The following AHCYL2 variants were observed in gnomAD, a reference collection of about 807,000 sequenced individuals.
The protein encoded by AHCYL2 is adenosylhomocysteinase like 2.
In AHCYL2, 28 loss-of-function variants were observed where a neutral mutation model predicts 81.4. The ratio of observed to expected loss-of-function variants is 0.34; its 90% CI spans 0.25 to 0.47. The LOEUF is 0.47. AHCYL2 is among the 20% of genes least tolerant of loss of function. The pLI is 1.00. For missense variants in AHCYL2, 551 were observed against 785.1 expected (o/e 0.70, Z 3.56); for synonymous variants, 272 against 290.2 (o/e 0.94, Z 0.64).
chr7:129,406,069 C>T lies in AHCYL2; in HGVS notation c.1206+170C>T, dbSNP rs536690264. Reference sequence around the variant, plus strand: ...GACTTTCTTTTTCCCTTTGCGTTGCCGCCATTTTCCCTTAAGTTGATTTTC... The same window carrying T: ...GACTTTCTTTTTCCCTTTGCGTTGCTGCCATTTTCCCTTAAGTTGATTTTC... On this transcript the variant is annotated intron_variant, in intron 9 of 16. Transcript: ENST00000325006. This position sits in a 1 kb window ranked among gnomAD's most constrained non-coding sequence, Gnocchi z 4.3. Among the ~76,000 whole-genome samples, 137 of 152,260 alleles carry T rather than the reference C, an allele frequency of 9.0e-4. No individual in the cohort carries two copies. Among genetic ancestry groups the T allele is most frequent in the Non-Finnish European group, 1.7e-3 (116 of 68,020 alleles).
chr7:129,380,621 A>T (rs1443797062), intron 2 of AHCYL2, among the ~76,000 whole-genome samples: 2 of 152,188 alleles, frequency 1.3e-5, no homozygotes. Flanking sequence ...TTATTTATAT[A>T]CTTTTTACAT....
Position 129,368,466 on chromosome 7 carries a change from T to G in AHCYL2, c.364-11172T>G. 6.2e-7 allele frequency: 1 copy of G among 1,613,914 alleles called. No homozygotes were observed. Among genetic ancestry groups the G allele is most frequent in the Non-Finnish European group, 8.5e-7 (1 of 1,179,850 alleles). ...TTCCAAACCAGCTTTCCCTTTTGCT[T>G]CAGGACATATCTTACCCAAGCCTGC... On this transcript the variant is annotated intron_variant, in intron 1 of 16. Coordinates refer to ENST00000325006, the MANE Select transcript of AHCYL2 (RefSeq NM_015328.4). The surrounding 1 kb of genome is among the most constrained non-coding windows in gnomAD (Gnocchi z 4.4).
chr7:129,258,849 C>T (rs865809570), intron 1 of AHCYL2, among the ~76,000 whole-genome samples: 5 of 152,092 alleles, frequency 3.3e-5, no homozygotes, highest in Admixed American at 2.0e-4. Context: ...TTAAAGTAAC[C>T]GTGGCAACCA....
intron 1 of AHCYL2, among the ~76,000 whole-genome samples, chr7:129,314,649 C>G (rs1038729535): frequency 1.3e-5 from 2 of 152,186 alleles, no homozygotes; most frequent in Admixed American, 6.5e-5. Context: ...GTCCTCATGA[C>G]CTAATCATTT....
chr7:129,412,457 T>C (rs1011977778), intron 11 of AHCYL2, among the ~76,000 whole-genome samples: 1 of 151,700 alleles, frequency 6.6e-6, no homozygotes, highest in Admixed American at 6.6e-5. Flanking sequence ...ATTTTTTGTA[T>C]TTTAGTAGAG....
chr7:129,381,168 T>C (rs1794937042), intron 2 of AHCYL2, among the ~76,000 whole-genome samples: 1 of 152,116 alleles, frequency 6.6e-6, no homozygotes. Flanking sequence ...AAGCTGTGGG[T>C]TTGTGCATGT....
At chr7:129,324,014 G>A (rs1798129228) in intron 1 of AHCYL2, among the ~76,000 whole-genome samples, 1 of 151,696 alleles carries the variant, frequency 6.6e-6, no homozygotes, top group Admixed American at 6.6e-5. Context: ...GGGATTACAG[G>A]CACCCGCCAT....
At chr7:129,375,792 G>A (rs548068930) in intron 1 of AHCYL2, 67 of 1,527,236 alleles carry the variant, frequency 4.4e-5, no homozygotes, top group Admixed American at 1.2e-4. Context: ...CAACAGAATT[G>A]CTGATGAGGA....
chr7:129,294,073 AAG>A (rs1289635929), intron 1 of AHCYL2, among the ~76,000 whole-genome samples: 4 of 152,350 alleles, frequency 2.6e-5, no homozygotes, highest in Non-Finnish European at 5.9e-5. Context: ...TTTGTAGAAA[AAG>A]AAACATTCTT....
At chr7:129,390,861 T>TGA (rs1795437409) in intron 4 of AHCYL2, among the ~76,000 whole-genome samples, 1 of 152,196 alleles carries the variant, frequency 6.6e-6, no homozygotes, top group Non-Finnish European at 1.5e-5. Flanking sequence ...GATTCCTACC[T>TGA]TACTCTCATC....
chr7:129,272,034 A>G (rs1796038959), intron 1 of AHCYL2, among the ~76,000 whole-genome samples: 1 of 152,188 alleles, frequency 6.6e-6, no homozygotes, highest in Admixed American at 6.5e-5. Flanking sequence ...GGGACTTTCA[A>G]GGCCAGGTCA....
chr7:129,302,038 G>A (rs1797274867), intron 1 of AHCYL2, among the ~76,000 whole-genome samples: 1 of 151,466 alleles, frequency 6.6e-6, no homozygotes, highest in Non-Finnish European at 1.5e-5. Context: ...TGGTGCAGGG[G>A]GTATTCTTTT....
chr7:129,411,423 A>G (rs746498837), intron 11 of AHCYL2, among the ~76,000 whole-genome samples: 184 of 152,058 alleles, frequency 1.2e-3, no homozygotes, highest in Non-Finnish European at 2.3e-3. Flanking sequence ...TCATAGCAAC[A>G]CCTGTGAAAA....
intron 1 of AHCYL2, among the ~76,000 whole-genome samples, chr7:129,308,001 C>G (rs186952937): frequency 6.6e-6 from 1 of 151,746 alleles, no homozygotes; most frequent in East Asian, 2.0e-4. Context: ...TCTCCTCAAG[C>G]AGAAGAAAGG....
chr7:129,368,141 A>G lies in AHCYL2; in HGVS notation c.364-11497A>G, dbSNP rs1794193892. On this transcript the variant is annotated intron_variant, in intron 1 of 16. Transcript: ENST00000325006. This position sits in a 1 kb window ranked among gnomAD's most constrained non-coding sequence, Gnocchi z 4.4. ...CACAGGGAAAGAAGGAAGTCCAACT[A>G]TTGCTGCAGAAAGTCCCCACTGGGG... 1 of 1,050,446 alleles carries G rather than the reference A, an allele frequency of 9.5e-7. No individual in the cohort carries two copies. Among genetic ancestry groups the G allele is most frequent in the Non-Finnish European group, 1.1e-6 (1 of 871,454 alleles). 65.1% of individuals were successfully genotyped at this position (1,050,446 alleles called of 1,614,324 possible).
intron 1 of AHCYL2, among the ~76,000 whole-genome samples, chr7:129,277,278 C>CGTTTTTTTTTTTTTT (rs35753023): frequency 7.4e-6 from 1 of 135,792 alleles, no homozygotes; most frequent in African/African-American, 2.7e-5. Flanking sequence ...AAGTCTCTCT[C>CGTTTTTTTTTTTTTT]TTTTTTTTTT....
intron 1 of AHCYL2, among the ~76,000 whole-genome samples, chr7:129,331,034 C>T (rs1275961389): frequency 1.3e-5 from 2 of 152,168 alleles, no homozygotes; most frequent in African/African-American, 2.4e-5. Context: ...AAGACCAATA[C>T]ATTATTTACA....
At chr7:129,350,880 A>G (rs1388449036) in intron 1 of AHCYL2, among the ~76,000 whole-genome samples, 2 of 148,282 alleles carry the variant, frequency 1.3e-5, no homozygotes, top group Non-Finnish European at 3.0e-5. Flanking sequence ...ATTTTTGTAT[A>G]TTTAGTAGAG....
Position 129,379,637 on chromosome 7 carries a change from G to A in AHCYL2, c.364-1G>A, listed in dbSNP as rs368296287. The A allele has an allele frequency of 5.3e-5, 85 of 1,612,138 alleles. 1 individual carries two copies. The South Asian group carries it at 8.9e-4, about 17-fold the overall frequency. On this transcript the variant is annotated splice_acceptor_variant, in intron 1 of 16. Coordinates refer to ENST00000325006, the MANE Select transcript of AHCYL2 (RefSeq NM_015328.4). LOFTEE classifies it high-confidence loss of function. ...TATATAACTAGGTTTCTTTTTCTTAGCAGATCCAGTTTGCTGACCAGAAGC... is the reference window on the plus strand; with the variant it reads ...TATATAACTAGGTTTCTTTTTCTTAACAGATCCAGTTTGCTGACCAGAAGC...
Sources: gnomAD v4.1 joint callset for allele counts (sites outside exome capture counted in the v4.1 genomes callset) on GRCh38, gnomAD v4.1.1 for gene constraint, Gnocchi (gnomAD v3.1) non-coding constraint, MANE v1.5 for transcripts, NCBI Gene and HGNC (gene_info 2026-07-23, HGNC 2026-07-21) for gene names.